Variants in ZNF644 observed in about 807,000 individuals in gnomAD.
The protein encoded by ZNF644 is zinc finger motif enhancer binding protein 2.
A neutral mutation model predicts 108.0 loss-of-function variants in ZNF644; 20 were observed. That is an observed-to-expected ratio of 0.19 (90% confidence interval 0.13 to 0.27). The LOEUF (loss-of-function observed/expected upper bound fraction) is 0.27. ZNF644 is among the 10% of genes least tolerant of loss of function. ZNF644 has a pLI of 1.00. For synonymous variants in ZNF644, 542 were observed against 539.1 expected, an observed-to-expected ratio of 1.01 and a Z score of -0.08; for missense variants, 1,338 against 1,548.9, an observed-to-expected ratio of 0.86 and a Z score of 2.29.
At chr1:90,942,416 C>G (rs1192499313) in intron 2 of ZNF644, among the ~76,000 whole-genome samples, 1 of 152,062 alleles carries the variant, frequency 6.6e-6, no homozygotes. Context: ...TTTTCCTGCT[C>G]TTAGAAATGG....
intron 2 of ZNF644, among the ~76,000 whole-genome samples, chr1:90,958,955 CAAAA>C (rs1347049325): frequency 1.3e-5 from 2 of 151,636 alleles, no homozygotes; most frequent in East Asian, 3.9e-4. Flanking sequence ...ACAAAACAAA[CAAAA>C]AACAGAAATT....
intron 4 of ZNF644, chr1:90,918,380 T>C (rs1438200759): frequency 1.9e-6 from 1 of 526,066 alleles, no homozygotes; most frequent in African/African-American, 1.9e-5. Context: ...ACTATCTGTA[T>C]TCTTCCTATA....
In ZNF644 at chr1:90,935,794, T is replaced by C. The variant is rs552291554; in HGVS notation, c.3688+1691A>G. ...TCTGGATATACACCTATTATTACTT[T>C]CTTGCAGATTTCTGTGTTACGCAGA... On this transcript the variant is annotated intron_variant, in intron 4 of 5. Transcript: ENST00000337393. Among the ~76,000 whole-genome samples the C allele has an allele frequency of 2.6e-5, 4 of 152,366 alleles. No individual in the cohort carries two copies. In the East Asian group the frequency reaches 7.7e-4, roughly 29 times the overall value.
chr1:91,002,998 T>C (rs140431493), intron 1 of ZNF644, among the ~76,000 whole-genome samples: 17,143 of 151,932 alleles, frequency 0.11, 929 homozygotes, highest in South Asian at 0.15. Flanking sequence ...CTCACACCAG[T>C]TAGAATGGCA....
chr1:90,941,888 T>C (rs549986364), intron 2 of ZNF644, among the ~76,000 whole-genome samples: 3 of 152,322 alleles, frequency 2.0e-5, no homozygotes, highest in South Asian at 2.1e-4. Context: ...GTTTTATGTA[T>C]GAAATAGTCC....
At chr1:90,970,934 A>C (rs1377703556) in intron 2 of ZNF644, among the ~76,000 whole-genome samples, 1 of 145,658 alleles carries the variant, frequency 6.9e-6, no homozygotes, top group East Asian at 2.1e-4. Context: ...CGGGAGGCGG[A>C]GATTACAGTG....
rs1219218053 is a variant in ZNF644, at chr1:90,941,060, A to G, written c.294T>C (p.Ala98=). The G allele has an allele frequency of 2.5e-6, 4 of 1,614,050 alleles. No individual in the cohort carries two copies. Among genetic ancestry groups the G allele is most frequent in the Non-Finnish European group, 3.4e-6 (4 of 1,179,992 alleles). Residue 98 remains alanine, a synonymous_variant, in exon 3 of 6, where the codon GCT becomes GCC. Transcript: ENST00000337393. ...TTTCACTAGAAACAGTAGGAGCACCAGCATGTATAAATAGACTAGACTGGC... is the reference window on the plus strand; with the variant it reads ...TTTCACTAGAAACAGTAGGAGCACCGGCATGTATAAATAGACTAGACTGGC... ...SGGQSSLFIH[A]GAPTVSSENF... is the part of the protein sequence containing the mutation.
At chr1:90,930,176 C>T (rs1211846290) in intron 4 of ZNF644, among the ~76,000 whole-genome samples, 1 of 152,140 alleles carries the variant, frequency 6.6e-6, no homozygotes, top group African/African-American at 2.4e-5. Context: ...ATCCCAGCTA[C>T]TCAGGAGGCT....
At chr1:90,986,329 CA>C (rs201499040) in intron 1 of ZNF644, among the ~76,000 whole-genome samples, 9 of 146,366 alleles carry the variant, frequency 6.1e-5, no homozygotes, top group South Asian at 2.1e-4. Context: ...AAACAAAAAA[CA>C]AAAAAAAAAC....
chr1:90,969,782 G>A (rs1655277635), intron 2 of ZNF644, among the ~76,000 whole-genome samples: 1 of 152,072 alleles, frequency 6.6e-6, no homozygotes, highest in South Asian at 2.1e-4. Context: ...TCACAGATAT[G>A]TGTATGTAGG....
chr1:90,939,549 T>C lies in ZNF644; in HGVS notation c.1805A>G (p.Lys602Arg), dbSNP rs1208474074. 6 of 1,613,924 alleles carry C rather than the reference T, an allele frequency of 3.7e-6. No homozygotes were observed. Among genetic ancestry groups the C allele is most frequent in the Non-Finnish European group, 5.1e-6 (6 of 1,179,932 alleles). ...TGAATGCAAGTACTCCGTGTGCTTTTTTAAAACACTTTTGGCTGAAGTAGT... is the reference window on the plus strand; with the variant it reads ...TGAATGCAAGTACTCCGTGTGCTTTCTTAAAACACTTTTGGCTGAAGTAGT... ...PFTTSAKSVL[K>R]KHTEYLHSSS... Residue 602 changes from lysine (K) to arginine (R), a missense_variant, in exon 3 of 6, where the codon AAA becomes AGA. This residue lies in a region of ZNF644 where 462 missense variants were observed against 472.6 expected (regional missense o/e 0.98). Coordinates refer to ENST00000337393, the MANE Select transcript of ZNF644 (RefSeq NM_201269.3).
At chr1:90,985,835 AT>A (rs1312494701) in intron 1 of ZNF644, among the ~76,000 whole-genome samples, 1 of 152,134 alleles carries the variant, frequency 6.6e-6, no homozygotes, top group African/African-American at 2.4e-5. Flanking sequence ...GGACTGCTAT[AT>A]CATATGGTAA....
chr1:90,995,047 T>C (rs1658019231), intron 1 of ZNF644, among the ~76,000 whole-genome samples: 1 of 151,660 alleles, frequency 6.6e-6, no homozygotes, highest in African/African-American at 2.4e-5. Context: ...AGGCAAAAAA[T>C]ACATGATATG....
At position 90,940,133 on chromosome 1, in the gene ZNF644, T is replaced by C; in HGVS notation, c.1221A>G (p.Pro407=). 1.2e-6 allele frequency: 2 copies of C among 1,614,112 alleles called. No individual in the cohort carries two copies. Among genetic ancestry groups the C allele is most frequent in the Non-Finnish European group, 1.7e-6 (2 of 1,179,956 alleles). Residue 407 remains proline, a synonymous_variant, in exon 3 of 6, where the codon CCA becomes CCG. Transcript: ENST00000337393. The part of the protein sequence containing the change: ...ESPATFSTEE[P]SFYPCTKCNV... ...TGCACTTTGTACAGGGGTAGAATGA[T>C]GGCTCTTCGGTACTGAAAGTAGCAG...
chr1:91,000,563 C>T (rs1388541955), intron 1 of ZNF644, among the ~76,000 whole-genome samples: 1 of 152,042 alleles, frequency 6.6e-6, no homozygotes. Context: ...ATTTATAGCA[C>T]TAAATGCCCA....
At chr1:90,930,733 C>A (rs1417074097) in intron 4 of ZNF644, among the ~76,000 whole-genome samples, 1 of 152,158 alleles carries the variant, frequency 6.6e-6, no homozygotes. Flanking sequence ...TAAGTTTGTA[C>A]ATGTGGTCAA....
chr1:91,018,904 T>A (rs572779587), intron 1 of ZNF644, among the ~76,000 whole-genome samples: 2 of 152,212 alleles, frequency 1.3e-5, no homozygotes, highest in Non-Finnish European at 2.9e-5. Context: ...ATGTTTAAGG[T>A]TGGCAGGTGA....
At chr1:90,921,627 A>G (rs1649446725) in intron 4 of ZNF644, among the ~76,000 whole-genome samples, 1 of 152,074 alleles carries the variant, frequency 6.6e-6, no homozygotes, top group Non-Finnish European at 1.5e-5. Flanking sequence ...TAAGTGATCA[A>G]TTTCAACCAA....
At chr1:90,958,232 T>TAAAAAAA (rs777224217) in intron 2 of ZNF644, among the ~76,000 whole-genome samples, 61 of 41,352 alleles carry the variant, frequency 1.5e-3, no homozygotes, top group East Asian at 2.3e-3. Flanking sequence ...GCAAAACTCC[T>TAAAAAAA]AAAAAAAAAA....
Sources: allele counts gnomAD v4.1 joint callset (sites outside exome capture counted in the v4.1 genomes callset), GRCh38; gene constraint gnomAD v4.1.1; regional missense constraint gnomAD v4.1.1; transcripts MANE v1.5; gene names NCBI Gene and HGNC (gene_info 2026-07-23, HGNC 2026-07-21).